Variants in UBL3 observed in about 807,000 individuals in gnomAD.
UBL3 encodes ubiquitin like 3, also known as ubiquitin-like protein 3.
In UBL3, 6 loss-of-function variants were observed where a neutral mutation model predicts 18.4. The ratio of observed to expected loss-of-function variants is 0.33; its 90% CI spans 0.18 to 0.64. The LOEUF is 0.64. UBL3 is among the 30% of genes least tolerant of loss of function. UBL3 has a pLI of 0.76. For missense variants in UBL3, 109 were observed against 142.9 expected (o/e 0.76, Z 1.21); for synonymous variants, 49 against 46.6 (o/e 1.05, Z -0.21).
At chr13:29,786,864 T>C (rs1021005768) in intron 1 of UBL3, among the ~76,000 whole-genome samples, 5 of 142,880 alleles carry the variant, frequency 3.5e-5, no homozygotes, top group Non-Finnish European at 7.6e-5. Flanking sequence ...TGGAAACATT[T>C]ACCTACCCTA....
At position 29,767,232 on chromosome 13, in the gene UBL3, A is replaced by G. The variant is rs747087477; in HGVS notation, c.*23T>C. ...CAGCATGAAAGACAAAGACTATATCACATCACACTAGGCAGACAGTGTTTA... is the reference window on the plus strand; with the variant it reads ...CAGCATGAAAGACAAAGACTATATCGCATCACACTAGGCAGACAGTGTTTA... On this transcript the variant is annotated 3_prime_UTR_variant, in exon 5 of 5. Transcript: ENST00000380680. 2 of 1,612,112 alleles carry G rather than the reference A, an allele frequency of 1.2e-6. No individual in the cohort carries two copies. The highest frequency in any genetic ancestry group is 1.1e-5 in the South Asian group (1 of 90,922).
Position 29,767,070 on chromosome 13 carries a change from G to C in UBL3, c.*185C>G. The C allele has an allele frequency of 6.0e-6, 3 of 498,706 alleles. No homozygotes were observed. In the Admixed American group the frequency reaches 1.2e-4, roughly 20 times the overall value. 30.9% of individuals were successfully genotyped at this position (498,706 alleles called of 1,614,324 possible). A position where few individuals can be genotyped will look rare whatever the true frequency, so the allele number is the denominator to read the frequency against. ...AAAAAATACAAGAAATAAAAAATCA[G>C]AGTGAAAAATGTTCTTGGTTCTTTT... On this transcript the variant is annotated 3_prime_UTR_variant, in exon 5 of 5. Transcript: ENST00000380680.
intron 1 of UBL3, among the ~76,000 whole-genome samples, chr13:29,804,745 C>G (rs1319892997): frequency 6.6e-6 from 1 of 152,110 alleles, no homozygotes; most frequent in African/African-American, 2.4e-5. Flanking sequence ...AAGATCGAAC[C>G]AGGAAGAAAC....
intron 1 of UBL3, among the ~76,000 whole-genome samples, chr13:29,788,117 A>G (rs1437748355): frequency 1.3e-5 from 2 of 152,162 alleles, no homozygotes; most frequent in Non-Finnish European, 2.9e-5. Flanking sequence ...AACCTACTAT[A>G]TAGTACTTTC....
chr13:29,835,089 AATATATATATATATATAAATATATATAT>A (rs1878886603), intron 1 of UBL3, among the ~76,000 whole-genome samples: 10 of 74,234 alleles, frequency 1.3e-4, no homozygotes, highest in African/African-American at 3.2e-4. Flanking sequence ...TATAAATATA[AATATATATATATATATAAATATATATAT>A]ATATATAAAT....
rs59999859 is a variant in UBL3, at chr13:29,835,143, T to G, written c.27+14369A>C. 1.3e-3 allele frequency among the ~76,000 whole-genome samples: 16 copies of G among 12,462 alleles called. 2 individuals carry two copies. Among genetic ancestry groups the G allele is most frequent in the African/African-American group, 5.6e-3 (16 of 2,882 alleles). The allele number at this position is 12,462 out of a possible 152,430, so 8.2% of individuals were successfully genotyped here. A position where few individuals can be genotyped will look rare whatever the true frequency, so the allele number is the denominator to read the frequency against. ...ATATATAAATATATATATATATATA[T>G]ATATATATATATATATATATATATA... On this transcript the variant is annotated intron_variant, in intron 1 of 4. Transcript: ENST00000380680.
chr13:29,834,016 T>C (rs1190702271), intron 1 of UBL3, among the ~76,000 whole-genome samples: 1 of 152,058 alleles, frequency 6.6e-6, no homozygotes, highest in Non-Finnish European at 1.5e-5. Flanking sequence ...TGAAACCCCG[T>C]CTGTACTAAG....
At chr13:29,785,005 AG>A (rs2139318921) in intron 1 of UBL3, among the ~76,000 whole-genome samples, 1 of 152,310 alleles carries the variant, frequency 6.6e-6, no homozygotes, top group East Asian at 1.9e-4. Flanking sequence ...TCCCGGGTTC[AG>A]GCAATTCTTC....
At chr13:29,774,791 C>T (rs1876937217) in intron 2 of UBL3, among the ~76,000 whole-genome samples, 1 of 150,562 alleles carries the variant, frequency 6.6e-6, no homozygotes, top group Non-Finnish European at 1.5e-5. Context: ...TCTGGAAAAT[C>T]TGTATTTTCA....
intron 1 of UBL3, among the ~76,000 whole-genome samples, chr13:29,807,945 G>A (rs763480232): frequency 5.4e-4 from 82 of 152,156 alleles, no homozygotes; most frequent in Non-Finnish European, 1.0e-3. Flanking sequence ...ATGGTTAAAC[G>A]TATTACAATA....
At chr13:29,767,811 CAACTT>C in intron 3 of UBL3, 116 bp from the exon 4 acceptor site, 1 of 734,058 alleles carries the variant, frequency 1.4e-6, no homozygotes, top group Non-Finnish European at 2.1e-6. Context: ...TTAACAGATT[CAACTT>C]AACTCAGAGT....
chr13:29,767,825 G>T, intron 3 of UBL3, 130 bp from the exon 4 acceptor site: 1 of 623,006 alleles, frequency 1.6e-6, no homozygotes, highest in East Asian at 3.2e-5. Context: ...TTAACTCAGA[G>T]TACCTTCACA....
intron 1 of UBL3, among the ~76,000 whole-genome samples, chr13:29,780,815 T>C (rs1038388375): frequency 2.0e-5 from 3 of 152,170 alleles, no homozygotes; most frequent in African/African-American, 7.2e-5. Context: ...CAAAATGTTT[T>C]ATTACAGCAA....
At position 29,766,499 on chromosome 13, in the gene UBL3, G is replaced by A. The variant is rs1476788688; in HGVS notation, c.*756C>T. 6.6e-6 allele frequency: 1 copy of A among 152,424 alleles called. No individual in the cohort carries two copies. The highest frequency in any genetic ancestry group is 1.5e-5 in the Non-Finnish European group (1 of 67,984). The allele number at this position is 152,424 out of a possible 1,614,324, so 9.4% of individuals were successfully genotyped here. On this transcript the variant is annotated 3_prime_UTR_variant, in exon 5 of 5. Coordinates refer to ENST00000380680, the MANE Select transcript of UBL3 (RefSeq NM_007106.4). Reference sequence around the variant, plus strand: ...ACTGAAACTACCCTCCCACATTAAGGCTAGGAGACGCACTCTCACCCCTTC... The same window carrying A: ...ACTGAAACTACCCTCCCACATTAAGACTAGGAGACGCACTCTCACCCCTTC...
At chr13:29,782,971 G>A (rs1400820148) in intron 1 of UBL3, among the ~76,000 whole-genome samples, 1 of 152,214 alleles carries the variant, frequency 6.6e-6, no homozygotes. Flanking sequence ...TGCTCAGCCA[G>A]TAACTGTTGA....
At chr13:29,788,846 T>TGC (rs1337961066) in intron 1 of UBL3, among the ~76,000 whole-genome samples, 485 of 7,504 alleles carry the variant, frequency 0.065, 8 homozygotes, top group Middle Eastern at 0.12. Context: ...GAAGTGTGTG[T>TGC]GTGTGTGTGT....
intron 1 of UBL3, among the ~76,000 whole-genome samples, chr13:29,783,027 G>C (rs543350529): frequency 6.6e-6 from 1 of 152,190 alleles, no homozygotes; most frequent in Non-Finnish European, 1.5e-5. Flanking sequence ...TGAAAGTGCA[G>C]ACTAGAAAGG....
At position 29,845,523 on chromosome 13, in the gene UBL3, A is replaced by T. The variant is rs547872607; in HGVS notation, c.27+3989T>A. On this transcript the variant is annotated intron_variant, in intron 1 of 4. Transcript: ENST00000380680. ...TTTCTGGACCTTTTCCTTTCATGGC[A>T]TTTTCTCCTGGTATATTCAACATAT... Among the ~76,000 whole-genome samples the T allele has an allele frequency of 1.1e-4, 16 of 152,054 alleles. No homozygotes were observed. In the South Asian group the frequency reaches 3.3e-3, roughly 32 times the overall value.
chr13:29,837,088 T>G (rs1455417910), intron 1 of UBL3, among the ~76,000 whole-genome samples: 1 of 152,214 alleles, frequency 6.6e-6, no homozygotes, highest in East Asian at 1.9e-4. Flanking sequence ...AAGTAATCAA[T>G]GTTTTTCTAA....
Sources: allele counts gnomAD v4.1 joint callset (sites outside exome capture counted in the v4.1 genomes callset), GRCh38; gene constraint gnomAD v4.1.1; transcripts MANE v1.5; gene names NCBI Gene and HGNC (gene_info 2026-07-23, HGNC 2026-07-21).